The following ZNF423 variants were observed in gnomAD, a reference collection of about 807,000 sequenced individuals.
The protein encoded by ZNF423 is Ebf-associated zinc finger protein.
ZNF423 carries 12 observed loss-of-function variants against 95.8 expected under a neutral mutation model. The observed-to-expected ratio is 0.13, with a 90% confidence interval of 0.08 to 0.20. ZNF423 has a LOEUF of 0.20. Among genes scored for constraint, ZNF423 ranks in the 10% least tolerant of loss-of-function variants. ZNF423 has a pLI of 1.00. For missense variants in ZNF423, 1,316 were observed against 1,737.1 expected (o/e 0.76, Z 4.31); for synonymous variants, 749 against 711.9 (o/e 1.05, Z -0.83).
intron 1 of ZNF423, chr16:49,854,393 G>C: frequency 1.0e-6 from 1 of 985,464 alleles, no homozygotes; most frequent in Non-Finnish European, 1.2e-6. Flanking sequence ...CTCCTTGCCA[G>C]ATTCAGTTCC....
chr16:49,839,689 A>G (rs2035162818), intron 1 of ZNF423, among the ~76,000 whole-genome samples: 1 of 152,182 alleles, frequency 6.6e-6, no homozygotes, highest in South Asian at 2.1e-4. Context: ...GAGAGAACAG[A>G]GCCGGGCCCC....
chr16:49,659,791 C>T (rs2030106944), intron 3 of ZNF423, among the ~76,000 whole-genome samples: 1 of 152,218 alleles, frequency 6.6e-6, no homozygotes, highest in South Asian at 2.1e-4. Flanking sequence ...AGATGCCACC[C>T]CCAGCCCAGC....
intron 5 of ZNF423, among the ~76,000 whole-genome samples, chr16:49,625,052 G>C (rs1348798515): frequency 1.1e-4 from 16 of 152,230 alleles, no homozygotes; most frequent in Non-Finnish European, 2.4e-4. Context: ...ACAATGAAAA[G>C]ATGCTAGAAG....
chr16:49,510,283 T>C (rs895099695), intron 7 of ZNF423, among the ~76,000 whole-genome samples: 1 of 152,168 alleles, frequency 6.6e-6, no homozygotes, highest in Non-Finnish European at 1.5e-5. Flanking sequence ...GTGACGACAA[T>C]GAGTCACCGT....
intron 5 of ZNF423, among the ~76,000 whole-genome samples, chr16:49,547,698 C>T (rs1181327056): frequency 6.6e-6 from 1 of 152,230 alleles, no homozygotes; most frequent in East Asian, 1.9e-4. Context: ...CCACCCAGCT[C>T]TCCAAAGAGC....
chr16:49,810,057 G>C (rs573244430), intron 1 of ZNF423, among the ~76,000 whole-genome samples: 2 of 152,258 alleles, frequency 1.3e-5, no homozygotes, highest in East Asian at 3.9e-4. Context: ...TTGGCCTGGG[G>C]ATATGCACAC....
At chr16:49,724,348 A>T (rs1208884017) in intron 3 of ZNF423, among the ~76,000 whole-genome samples, 3 of 152,186 alleles carry the variant, frequency 2.0e-5, no homozygotes, top group Non-Finnish European at 4.4e-5. Context: ...TAGGGGGCGG[A>T]TATCAATTGT....
At chr16:49,609,720 C>T (rs1971659317) in intron 5 of ZNF423, among the ~76,000 whole-genome samples, 1 of 151,646 alleles carries the variant, frequency 6.6e-6, no homozygotes, top group Non-Finnish European at 1.5e-5. Flanking sequence ...TTTTGTGATT[C>T]AAGTCCCAGA....
intron 3 of ZNF423, among the ~76,000 whole-genome samples, chr16:49,669,108 T>C (rs2030683406): frequency 6.6e-6 from 1 of 151,924 alleles, no homozygotes; most frequent in Admixed American, 6.6e-5. Flanking sequence ...GGCAGGCAGA[T>C]CACCTGAGGT....
intron 1 of ZNF423, among the ~76,000 whole-genome samples, chr16:49,795,360 T>C (rs1218351657): frequency 6.6e-6 from 1 of 152,146 alleles, no homozygotes; most frequent in Non-Finnish European, 1.5e-5. Context: ...AGGTCACACA[T>C]GCCAATCCAG....
At chr16:49,711,265 T>G (rs2032534512) in intron 3 of ZNF423, 1 of 152,182 alleles carries the variant, frequency 6.6e-6, no homozygotes, top group South Asian at 2.1e-4. Flanking sequence ...TGTACAAGAA[T>G]GTTTACTATA....
chr16:49,577,491 C>T (rs1373867189), intron 5 of ZNF423, among the ~76,000 whole-genome samples: 2 of 152,024 alleles, frequency 1.3e-5, no homozygotes, highest in South Asian at 2.1e-4. Flanking sequence ...AGCGACCAGC[C>T]AGGAGCCAGC....
intron 5 of ZNF423, among the ~76,000 whole-genome samples, chr16:49,561,405 A>G (rs1970012173): frequency 6.6e-6 from 1 of 152,220 alleles, no homozygotes; most frequent in African/African-American, 2.4e-5. Context: ...ATACACATAT[A>G]TATTACATAT....
chr16:49,635,635 G>A lies in ZNF423; in HGVS notation c.3516+25C>T. The A allele has an allele frequency of 1.3e-6, 2 of 1,523,952 alleles. No homozygotes were observed. Among genetic ancestry groups the A allele is most frequent in the Non-Finnish European group, 1.8e-6 (2 of 1,138,418 alleles). 94.4% of individuals were successfully genotyped at this position (1,523,952 alleles called of 1,614,324 possible). ...GGAGCCCCAAGGAGAGGAGCAGGGA[G>A]CAGGATGAGGTGGACTGCACTTACC... On this transcript the variant is annotated intron_variant, in intron 4 of 7. Transcript: ENST00000563137. This position sits in a 1 kb window ranked among gnomAD's most constrained non-coding sequence, Gnocchi z 4.8.
chr16:49,546,048 A>C (rs1394700028), intron 5 of ZNF423, among the ~76,000 whole-genome samples: 1 of 152,230 alleles, frequency 6.6e-6, no homozygotes, highest in African/African-American at 2.4e-5. Flanking sequence ...AATTTCTGTT[A>C]TGTGCAAAGC....
chr16:49,513,571 T>C (rs1414845812), intron 7 of ZNF423, among the ~76,000 whole-genome samples: 1 of 152,176 alleles, frequency 6.6e-6, no homozygotes, highest in Non-Finnish European at 1.5e-5. Flanking sequence ...CTTTTCCTCC[T>C]TTCCTGCTTG....
chr16:49,827,332 T>C (rs2035015466), intron 1 of ZNF423, among the ~76,000 whole-genome samples: 1 of 151,786 alleles, frequency 6.6e-6, no homozygotes, highest in Non-Finnish European at 1.5e-5. Context: ...TGAGCCCTCG[T>C]CTCTGACAAA....
rs376218086 is a variant in ZNF423, at chr16:49,637,328, G to A, written c.1848C>T (p.Ser616=). 3.0e-4 allele frequency: 488 copies of A among 1,614,090 alleles called. 1 individual carries two copies. Among genetic ancestry groups the A allele is most frequent in the Non-Finnish European group, 3.7e-4 (442 of 1,180,060 alleles). The part of the protein sequence containing the change: ...KSKAEQSPVS[S]DVEVSSPKRQ... ...GCTTCGGGGAAGACACCTCCACATCGGACGAGACTGGGCTCTGCTCGGCCT... is the reference window on the plus strand; with the variant it reads ...GCTTCGGGGAAGACACCTCCACATCAGACGAGACTGGGCTCTGCTCGGCCT... Residue 616 remains serine, a synonymous_variant, in exon 4 of 8, where the codon TCC becomes TCT. Transcript: ENST00000563137. The surrounding 1 kb of genome is among the most constrained non-coding windows in gnomAD (Gnocchi z 5.6).
At chr16:49,676,243 G>A (rs887514428) in intron 3 of ZNF423, among the ~76,000 whole-genome samples, 4 of 152,232 alleles carry the variant, frequency 2.6e-5, no homozygotes, top group East Asian at 1.9e-4. Flanking sequence ...CAGCTGTGCT[G>A]CAGAGCTCCA....
Sources: allele counts gnomAD v4.1 joint callset (sites outside exome capture counted in the v4.1 genomes callset), GRCh38; gene constraint gnomAD v4.1.1; non-coding constraint Gnocchi (gnomAD v3.1); transcripts MANE v1.5; gene names NCBI Gene and HGNC (gene_info 2026-07-23, HGNC 2026-07-21).